The following QTRT2 variants were observed in gnomAD, a reference collection of about 807,000 sequenced individuals.
QTRT2 encodes queuine tRNA-ribosyltransferase domain containing 1.
In QTRT2, 32 loss-of-function variants were observed where a neutral mutation model predicts 44.8. The observed-to-expected ratio is 0.71, with a 90% CI of 0.54 to 0.96. The LOEUF is 0.96. Among genes scored for constraint, QTRT2 ranks in the 40% least tolerant of loss-of-function variants. The pLI is 0.00. For missense variants in QTRT2, 461 were observed against 503.1 expected, an observed-to-expected ratio of 0.92 and a Z score of 0.80; for synonymous variants, 182 against 187.4, an observed-to-expected ratio of 0.97 and a Z score of 0.24.
chr3:114,079,154 G>A (rs887870727), intron 7 of QTRT2: 1 of 152,146 alleles, frequency 6.6e-6, no homozygotes, highest in African/African-American at 2.4e-5. Flanking sequence ...GGCTATAAAG[G>A]GCTATAAAGT....
At chr3:114,080,782 C>T (rs1168163829) in intron 8 of QTRT2, among the ~76,000 whole-genome samples, 1 of 152,136 alleles carries the variant, frequency 6.6e-6, no homozygotes, top group African/African-American at 2.4e-5. Context: ...CCACATCAAC[C>T]TTACATTTGA....
chr3:114,067,326 C>T (rs1307506088), intron 4 of QTRT2, among the ~76,000 whole-genome samples: 1 of 152,062 alleles, frequency 6.6e-6, no homozygotes, highest in East Asian at 1.9e-4. Flanking sequence ...AGGTTTTACA[C>T]TTGCTTTTTT....
chr3:114,085,655 C>T lies in QTRT2; in HGVS notation c.1017-18C>T, dbSNP rs1188674616. 1 of 1,598,424 alleles carries T rather than the reference C, an allele frequency of 6.3e-7. No homozygotes were observed. Among genetic ancestry groups the T allele is most frequent in the Non-Finnish European group, 8.6e-7 (1 of 1,165,738 alleles). On this transcript the variant is annotated intron_variant, in intron 9 of 9. Transcript: ENST00000281273. ...GTATTCCGTACTTTCTGGAATGTCA[C>T]TGTGACTTCTTTCTTAGGTACCAGG... is the stretch of plus-strand genomic sequence containing the variant.
At position 114,069,398 on chromosome 3, in the gene QTRT2, CCTTCACT is replaced by C. The variant is rs367610188; in HGVS notation, c.334-1226_334-1220del. On this transcript the variant is annotated intron_variant, in intron 5 of 9. Coordinates refer to ENST00000281273, the MANE Select transcript of QTRT2 (RefSeq NM_024638.4). ...TTTATCCTTCTCTCCCTCCTTTCAC[CCTTCACT>C]CACAAGTAGACCCCAGTGTCTGTTG... is the stretch of plus-strand genomic sequence containing the variant. Among the ~76,000 whole-genome samples the C allele has an allele frequency of 1.3e-3, 195 of 152,218 alleles. 2 individuals carry two copies. Among genetic ancestry groups the C allele is most frequent in the African/African-American group, 4.5e-3 (186 of 41,514 alleles).
chr3:114,060,313 T>C (rs1001794027), intron 2 of QTRT2, among the ~76,000 whole-genome samples: 1 of 152,220 alleles, frequency 6.6e-6, no homozygotes, highest in Non-Finnish European at 1.5e-5. Flanking sequence ...TGGTCTGGGC[T>C]TCCAGGTCTG....
chr3:114,076,341 T>G (rs1388538870), intron 6 of QTRT2, among the ~76,000 whole-genome samples: 2 of 152,022 alleles, frequency 1.3e-5, no homozygotes, highest in Non-Finnish European at 2.9e-5. Flanking sequence ...TAATTTTGTT[T>G]TTTTATTTTT....
At chr3:114,073,087 A>T (rs1167350812) in intron 6 of QTRT2, among the ~76,000 whole-genome samples, 1 of 152,238 alleles carries the variant, frequency 6.6e-6, no homozygotes, top group Non-Finnish European at 1.5e-5. Context: ...AAATAATTAG[A>T]GGAAACATAG....
chr3:114,063,669 T>G (rs2076916173), intron 2 of QTRT2, among the ~76,000 whole-genome samples: 1 of 152,146 alleles, frequency 6.6e-6, no homozygotes, highest in Admixed American at 6.5e-5. Context: ...TAATTTGTGT[T>G]TAGCATAAAA....
rs767600179 is a variant in QTRT2, at chr3:114,076,786, A to T, written c.590A>T (p.Asp197Val). The part of the protein sequence containing the change: ...SVIIGVIEGG[D>V]VMEERLRSAR... ...ATCATTGGAGTGATTGAAGGTGGAGATGTGATGGAAGAGAGGCTGAGGTCA... is the reference window on the plus strand; with the variant it reads ...ATCATTGGAGTGATTGAAGGTGGAGTTGTGATGGAAGAGAGGCTGAGGTCA... Residue 197 changes from aspartate to valine, a missense_variant, in exon 7 of 10, where the codon GAT becomes GTT. Transcript: ENST00000281273. The T allele has an allele frequency of 6.2e-7, 1 of 1,614,034 alleles. No homozygotes were observed. The highest frequency in any genetic ancestry group is 8.5e-7 in the Non-Finnish European group (1 of 1,180,036).
chr3:114,081,839 A>C (rs967266282), intron 8 of QTRT2, among the ~76,000 whole-genome samples: 1 of 152,124 alleles, frequency 6.6e-6, no homozygotes, highest in African/African-American at 2.4e-5. Context: ...TATACCTTTG[A>C]CCTTGATAAA....
chr3:114,066,306 G>A, intron 4 of QTRT2, 23 bp downstream of exon 4: 1 of 1,120,124 alleles, frequency 8.9e-7, no homozygotes. Flanking sequence ...TTACTTATAT[G>A]TGCCTTGTGA....
intron 6 of QTRT2, 95 bp downstream of exon 6, chr3:114,070,933 TG>T: frequency 1.1e-6 from 1 of 886,198 alleles, no homozygotes; most frequent in Non-Finnish European, 1.8e-6. Flanking sequence ...CCTACTGCTG[TG>T]CTCCTCACTT....
chr3:114,057,072 T>A lies in QTRT2; in HGVS notation c.-56T>A, dbSNP rs2076803492. The A allele has an allele frequency of 2.2e-6, 3 of 1,376,246 alleles. No homozygotes were observed. In the East Asian group the frequency reaches 8.3e-5, roughly 38 times the overall value. The allele number at this position is 1,376,246 out of a possible 1,614,324, so 85.3% of individuals were successfully genotyped here. On this transcript the variant is annotated 5_prime_UTR_variant, in exon 2 of 10. Transcript: ENST00000281273. ...GTGAGCGTCGCCGACACCTCTGAGA[T>A]AAAAGGGCCCCTTTCGACTAGCCTC...
chr3:114,061,843 G>A (rs2076890214), intron 2 of QTRT2, among the ~76,000 whole-genome samples: 1 of 152,106 alleles, frequency 6.6e-6, no homozygotes, highest in Admixed American at 6.5e-5. Flanking sequence ...CTCCCAAACT[G>A]CTGGAATTAC....
rs138554560 is a variant in QTRT2 at position 114,060,919 on chromosome 3, G to A, written c.-22+3813G>A. 1.1e-4 allele frequency among the ~76,000 whole-genome samples: 17 copies of A among 152,286 alleles called. No homozygotes were observed. The East Asian group carries it at 2.7e-3, about 24-fold the overall frequency. ...CCTAAGTAACTAAGGGGCGAGTGGC[G>A]TCTACAGTGTGAAGATGCTGGGCAA... On this transcript the variant is annotated intron_variant, in intron 2 of 9. Coordinates refer to ENST00000281273, the MANE Select transcript of QTRT2 (RefSeq NM_024638.4).
Position 114,057,081 on chromosome 3 carries a change from C to G in QTRT2, c.-47C>G. Reference sequence around the variant, plus strand: ...GCCGACACCTCTGAGATAAAAGGGCCCCTTTCGACTAGCCTCTGCTGAAAG... The same window carrying G: ...GCCGACACCTCTGAGATAAAAGGGCGCCTTTCGACTAGCCTCTGCTGAAAG... On this transcript the variant is annotated 5_prime_UTR_variant, in exon 2 of 10. Coordinates refer to ENST00000281273, the MANE Select transcript of QTRT2 (RefSeq NM_024638.4). The G allele has an allele frequency of 7.3e-7, 1 of 1,370,020 alleles. No individual in the cohort carries two copies. The highest frequency in any genetic ancestry group is 9.4e-7 in the Non-Finnish European group (1 of 1,065,010). The allele number at this position is 1,370,020 out of a possible 1,614,324, so 84.9% of individuals were successfully genotyped here.
chr3:114,074,417 TTA>T (rs1322887686), intron 6 of QTRT2, among the ~76,000 whole-genome samples: 1 of 152,196 alleles, frequency 6.6e-6, no homozygotes, highest in African/African-American at 2.4e-5. Flanking sequence ...ATCAGTCAAG[TTA>T]TGTTGATCCT....
intron 6 of QTRT2, among the ~76,000 whole-genome samples, chr3:114,071,237 C>G (rs527581405): frequency 6.6e-6 from 1 of 152,258 alleles, no homozygotes; most frequent in Admixed American, 6.5e-5. Context: ...CCTGTTCTTG[C>G]TTTTGCTCTT....
chr3:114,072,034 A>C (rs2077030908), intron 6 of QTRT2, among the ~76,000 whole-genome samples: 1 of 152,158 alleles, frequency 6.6e-6, no homozygotes, highest in African/African-American at 2.4e-5. Flanking sequence ...AGCTTGTTTC[A>C]TTCTGTACAC....
Sources: allele counts gnomAD v4.1 joint callset (sites outside exome capture counted in the v4.1 genomes callset), GRCh38; gene constraint gnomAD v4.1.1; transcripts MANE v1.5; gene names NCBI Gene and HGNC (gene_info 2026-07-23, HGNC 2026-07-21).